Variants in CACNA1D observed in about 807,000 individuals in gnomAD.
CACNA1D encodes the protein voltage-dependent L-type calcium channel subunit alpha-1D.
In CACNA1D, 55 loss-of-function variants were observed where a neutral mutation model predicts 257.1. The observed-to-expected ratio is 0.21, with a 90% CI of 0.17 to 0.27. The LOEUF is 0.27. Among genes scored for constraint, CACNA1D ranks in the 10% least tolerant of loss-of-function variants. The pLI, the probability that CACNA1D is intolerant of heterozygous loss-of-function variation, is 1.00. For synonymous variants in CACNA1D, 980 were observed against 1,014.9 expected, an observed-to-expected ratio of 0.97 and a Z score of 0.65; for missense variants, 1,876 against 2,784.0, an observed-to-expected ratio of 0.67 and a Z score of 7.34.
intron 3 of CACNA1D, among the ~76,000 whole-genome samples, chr3:53,635,896 C>G (rs192257380): frequency 3.3e-4 from 51 of 152,274 alleles, no homozygotes; most frequent in Middle Eastern, 3.4e-3. Flanking sequence ...ACTCGCTGCC[C>G]GACCCTGCCT....
At chr3:53,753,483 AG>A (rs1274874635) in intron 28 of CACNA1D, 88 bp from the exon 29 acceptor site, 3 of 891,444 alleles carry the variant, frequency 3.4e-6, no homozygotes, top group Non-Finnish European at 5.7e-6. Context: ...GGATGCCCAC[AG>A]GGGCACAGAG....
chr3:53,800,666 G>A lies in CACNA1D; in HGVS notation c.5040+301G>A. ...AGCATCCTGAGTCCTTCCGGCAGCTGCCTTTGCTACCCTCCTCCTTCCCGG... is the reference window on the plus strand; with the variant it reads ...AGCATCCTGAGTCCTTCCGGCAGCTACCTTTGCTACCCTCCTCCTTCCCGG... On this transcript the variant is annotated intron_variant, in intron 41 of 47. Coordinates refer to ENST00000350061, the MANE Select transcript of CACNA1D (RefSeq NM_001128840.3). This position sits in a 1 kb window ranked among gnomAD's most constrained non-coding sequence, Gnocchi z 4.3. 2.0e-6 allele frequency: 1 copy of A among 502,334 alleles called. No homozygotes were observed. Among genetic ancestry groups the A allele is most frequent in the Non-Finnish European group, 3.6e-6 (1 of 275,566 alleles). The allele number at this position is 502,334 out of a possible 1,614,324, so 31.1% of individuals were successfully genotyped here.
At chr3:53,634,360 G>T (rs572755420) in intron 3 of CACNA1D, among the ~76,000 whole-genome samples, 1 of 152,178 alleles carries the variant, frequency 6.6e-6, no homozygotes, top group African/African-American at 2.4e-5. Flanking sequence ...ATCTACCTAT[G>T]CCTGAATTAA....
chr3:53,660,319 T>C, intron 5 of CACNA1D, 44 bp downstream of exon 5: 2 of 1,604,488 alleles, frequency 1.2e-6, no homozygotes, highest in Non-Finnish European at 1.7e-6. Flanking sequence ...TGCTGGTTTT[T>C]TCTTCCAGGT....
At chr3:53,655,735 T>A (rs2094141667) in intron 4 of CACNA1D, among the ~76,000 whole-genome samples, 1 of 152,132 alleles carries the variant, frequency 6.6e-6, no homozygotes, top group Non-Finnish European at 1.5e-5. Context: ...TTCTGTAGGT[T>A]GTCTTTTTAC....
At chr3:53,771,661 T>C (rs1344326999) in intron 32 of CACNA1D, among the ~76,000 whole-genome samples, 1 of 152,240 alleles carries the variant, frequency 6.6e-6, no homozygotes, top group African/African-American at 2.4e-5. Flanking sequence ...GGGAACAAAC[T>C]GCTATAAAAA....
At chr3:53,503,281 A>G (rs1387086005) in intron 3 of CACNA1D, among the ~76,000 whole-genome samples, 1 of 152,232 alleles carries the variant, frequency 6.6e-6, no homozygotes, top group Non-Finnish European at 1.5e-5. Flanking sequence ...GCCAGAGATC[A>G]TTTGTGTAAC....
At position 53,786,969 on chromosome 3, in the gene CACNA1D, T is replaced by C. The variant is rs1008032350; in HGVS notation, c.4923+17T>C. 5 of 1,613,490 alleles carry C rather than the reference T, an allele frequency of 3.1e-6. No individual in the cohort carries two copies. In the African/African-American group the frequency reaches 4.0e-5, roughly 13 times the overall value. ...GCCCTACAGGTGAATTGTTGTCTCA[T>C]TTTGTTTTCTCTTTTGACTAACGAT... On this transcript the variant is annotated intron_variant, in intron 40 of 47. Transcript: ENST00000350061.
At chr3:53,759,518 C>T (rs920640576) in intron 29 of CACNA1D, among the ~76,000 whole-genome samples, 3 of 152,252 alleles carry the variant, frequency 2.0e-5, no homozygotes, top group Non-Finnish European at 4.4e-5. Context: ...GGGTCTCCTC[C>T]GCCTTGTCAG....
chr3:53,576,141 C>T (rs1331460828), intron 3 of CACNA1D, among the ~76,000 whole-genome samples: 3 of 152,144 alleles, frequency 2.0e-5, no homozygotes, highest in Non-Finnish European at 2.9e-5. Flanking sequence ...AGACACTTAA[C>T]CCACAGTGGG....
intron 8 of CACNA1D, chr3:53,679,722 C>A (rs1334006440): frequency 6.6e-6 from 1 of 152,206 alleles, no homozygotes; most frequent in Non-Finnish European, 1.5e-5. Flanking sequence ...CAAAGTACTT[C>A]CCCACATTTA....
intron 9 of CACNA1D, among the ~76,000 whole-genome samples, chr3:53,709,336 TC>T (rs1307929131): frequency 6.6e-6 from 1 of 152,174 alleles, no homozygotes; most frequent in Non-Finnish European, 1.5e-5. Flanking sequence ...TTCAGTAGCT[TC>T]CCAAGGCCAT....
chr3:53,515,358 C>G (rs1342376369), intron 3 of CACNA1D, among the ~76,000 whole-genome samples: 1 of 152,114 alleles, frequency 6.6e-6, no homozygotes, highest in Non-Finnish European at 1.5e-5. Context: ...GATTCTGGCC[C>G]GATGGTCGTG....
In CACNA1D at chr3:53,811,517, T is replaced by C. The variant is rs2095600953; in HGVS notation, c.*111T>C. ...GGCACTAGTTGGGAGTAATATTCAA[T>C]TAATTAGACTTTTGTATAAGAGATG... On this transcript the variant is annotated 3_prime_UTR_variant, in exon 48 of 48. Transcript: ENST00000350061. The surrounding 1 kb of genome is among the most constrained non-coding windows in gnomAD (Gnocchi z 4.2). 2.4e-6 allele frequency: 2 copies of C among 846,606 alleles called. No homozygotes were observed. The highest frequency in any genetic ancestry group is 3.6e-6 in the Non-Finnish European group (2 of 559,926). 52.4% of individuals were successfully genotyped at this position (846,606 alleles called of 1,614,324 possible).
intron 8 of CACNA1D, among the ~76,000 whole-genome samples, chr3:53,702,292 G>A (rs573957838): frequency 4.6e-5 from 7 of 152,336 alleles, no homozygotes; most frequent in African/African-American, 1.7e-4. Flanking sequence ...GGAAAGTGGG[G>A]CGTCTCTGAG....
At chr3:53,779,429 T>G (rs2095414666) in intron 37 of CACNA1D, among the ~76,000 whole-genome samples, 1 of 150,074 alleles carries the variant, frequency 6.7e-6, no homozygotes. Flanking sequence ...GTGTGTGTAT[T>G]TGTGTGTATA....
intron 7 of CACNA1D, 33 bp from the exon 8 acceptor site, chr3:53,672,990 C>G (rs978584273): frequency 7.2e-7 from 1 of 1,390,826 alleles, no homozygotes; most frequent in Non-Finnish European, 1.0e-6. Context: ...CTCTTATTAA[C>G]CCACTCCTAT....
chr3:53,749,084 T>C (rs2095200465), intron 26 of CACNA1D, 184 bp from the exon 27 acceptor site: 1 of 701,398 alleles, frequency 1.4e-6, no homozygotes, highest in Admixed American at 2.0e-5. Context: ...CCCCTCCTCT[T>C]AGTGCTGGCT....
At chr3:53,778,198 C>T (rs1324476679) in intron 37 of CACNA1D, among the ~76,000 whole-genome samples, 10 of 150,472 alleles carry the variant, frequency 6.6e-5, no homozygotes, top group Non-Finnish European at 8.9e-5. Context: ...CAGAGCTTGA[C>T]TTTTTTTTTT....
Sources: gnomAD v4.1 joint callset for allele counts (sites outside exome capture counted in the v4.1 genomes callset) on GRCh38, gnomAD v4.1.1 for gene constraint, Gnocchi (gnomAD v3.1) non-coding constraint, MANE v1.5 for transcripts, NCBI Gene and HGNC (gene_info 2026-07-23, HGNC 2026-07-21) for gene names.